The following PPP1R12B variants were observed in gnomAD, a reference collection of about 807,000 sequenced individuals.
The protein encoded by PPP1R12B is myosin phosphatase target subunit 2.
Under a neutral mutation model 126.1 loss-of-function variants are expected in PPP1R12B, and 76 were observed. The ratio of observed to expected loss-of-function variants is 0.60; its 90% CI spans 0.50 to 0.73. The LOEUF (loss-of-function observed/expected upper bound fraction) is 0.73. PPP1R12B is among the 30% of genes least tolerant of loss of function. PPP1R12B has a pLI of 0.00. For synonymous variants in PPP1R12B, 356 were observed against 434.7 expected (o/e 0.82, Z 2.25); for missense variants, 1,052 against 1,205.1 (o/e 0.87, Z 1.88).
chr1:202,565,333 G>A lies in PPP1R12B; in HGVS notation c.2757+786G>A, dbSNP rs111792787. Among the ~76,000 whole-genome samples the A allele has an allele frequency of 5.1e-3, 784 of 152,282 alleles. 7 individuals are homozygous for A. The highest frequency in any genetic ancestry group is 0.031 in the Middle Eastern group (9 of 294). On this transcript the variant is annotated intron_variant, in intron 21 of 23. Transcript: ENST00000608999. The surrounding 1 kb of genome is among the most constrained non-coding windows in gnomAD (Gnocchi z 4.3). ...AGAATGCCTGGGGACTTAGAATTTCGAAAGCTGAACTGAAGTAAAAATGAT... is the reference window on the plus strand; with the variant it reads ...AGAATGCCTGGGGACTTAGAATTTCAAAAGCTGAACTGAAGTAAAAATGAT...
rs1671737501 is a variant in PPP1R12B, at chr1:202,442,337, T to C, written c.1542-110T>C. The C allele has an allele frequency of 6.5e-6, 8 of 1,229,702 alleles. No individual in the cohort carries two copies. In the East Asian group the frequency reaches 1.9e-4, roughly 30 times the overall value. The allele number at this position is 1,229,702 out of a possible 1,614,324, so 76.2% of individuals were successfully genotyped here. On this transcript the variant is annotated intron_variant, in intron 11 of 23. Transcript: ENST00000608999. ...AACAGAATAACCTGAAGAATGTGTCTATTAGCCATGTTATAGTTTGCCTGT... is the reference window on the plus strand; with the variant it reads ...AACAGAATAACCTGAAGAATGTGTCCATTAGCCATGTTATAGTTTGCCTGT...
At chr1:202,506,046 G>A (rs1199140575) in intron 18 of PPP1R12B, among the ~76,000 whole-genome samples, 3 of 152,184 alleles carry the variant, frequency 2.0e-5, no homozygotes, top group Admixed American at 6.5e-5. Context: ...GTGTAGAAAA[G>A]CAAGCTGTCC....
At chr1:202,492,286 A>G (rs1217287385) in intron 14 of PPP1R12B, among the ~76,000 whole-genome samples, 1 of 152,216 alleles carries the variant, frequency 6.6e-6, no homozygotes, top group Non-Finnish European at 1.5e-5. Flanking sequence ...GTGCCTAAAG[A>G]CACCTAATTC....
At chr1:202,524,008 C>G (rs1018761551) in intron 18 of PPP1R12B, among the ~76,000 whole-genome samples, 1 of 152,100 alleles carries the variant, frequency 6.6e-6, no homozygotes, top group Non-Finnish European at 1.5e-5. Context: ...CTACCGTGCC[C>G]GGCCAATCTG....
At chr1:202,534,667 C>T (rs1462283648) in intron 18 of PPP1R12B, among the ~76,000 whole-genome samples, 1 of 151,300 alleles carries the variant, frequency 6.6e-6, no homozygotes, top group Non-Finnish European at 1.5e-5. Flanking sequence ...TTGTGTAAAG[C>T]CAATCCCCTA....
In PPP1R12B at chr1:202,580,615, C is replaced by CTT; in HGVS notation, c.*56_*57insTT. ...GGGACAGCATTTGCTGCCCCCACCC[C>CTT]TCTTTTCCAGTCCTTGCCTTCCAAC... On this transcript the variant is annotated 3_prime_UTR_variant, in exon 24 of 24. Transcript: ENST00000608999. 1.4e-6 allele frequency: 2 copies of CTT among 1,429,804 alleles called. No individual in the cohort carries two copies. The highest frequency in any genetic ancestry group is 2.0e-6 in the Non-Finnish European group (2 of 1,013,124). The allele number at this position is 1,429,804 out of a possible 1,614,324, so 88.6% of individuals were successfully genotyped here. A position where few individuals can be genotyped will look rare whatever the true frequency, so the allele number is the denominator to read the frequency against.
At position 202,452,213 on chromosome 1, in the gene PPP1R12B, G is replaced by T. The variant is rs540457562; in HGVS notation, c.1850+3042G>T. ...CCAAGGCAGGCAGCTGGGAGGTGGAGGTTGTAGCGAGCCGAGATCACGCCA... is the reference window on the plus strand; with the variant it reads ...CCAAGGCAGGCAGCTGGGAGGTGGATGTTGTAGCGAGCCGAGATCACGCCA... On this transcript the variant is annotated intron_variant, in intron 13 of 23. Coordinates refer to ENST00000608999, the MANE Select transcript of PPP1R12B (RefSeq NM_002481.4). Among the ~76,000 whole-genome samples, 1,311 of 152,244 alleles carry T rather than the reference G, an allele frequency of 8.6e-3. 7 individuals are homozygous for T. The highest frequency in any genetic ancestry group is 0.021 in the South Asian group (102 of 4,832).
chr1:202,405,343 T>C (rs1324289228), intron 1 of PPP1R12B, among the ~76,000 whole-genome samples: 1 of 152,208 alleles, frequency 6.6e-6, no homozygotes. Context: ...CTCTTATGAA[T>C]GAAACCTGAC....
intron 13 of PPP1R12B, among the ~76,000 whole-genome samples, chr1:202,451,214 G>A (rs938427435): frequency 7.5e-5 from 11 of 147,330 alleles, no homozygotes; most frequent in Admixed American, 2.1e-4. Flanking sequence ...GGTGTTCCTC[G>A]CAGAGGGGGA....
intron 1 of PPP1R12B, among the ~76,000 whole-genome samples, chr1:202,386,208 G>A (rs919113077): frequency 1.3e-5 from 2 of 152,066 alleles, no homozygotes; most frequent in South Asian, 2.1e-4. Flanking sequence ...GATTACAGGC[G>A]TGAGCCACCG....
In PPP1R12B at chr1:202,496,867, T is replaced by C. The variant is rs762186732; in HGVS notation, c.2490+45T>C. ...AGCATGTCTCTTGAGAGCACAGTCT[T>C]GCTCTTGTATGTAATTTTAGTAGAA... On this transcript the variant is annotated intron_variant, in intron 18 of 23. Transcript: ENST00000608999. 3.2e-6 allele frequency: 5 copies of C among 1,549,724 alleles called. No individual in the cohort carries two copies. The Admixed American group carries it at 8.9e-5, about 28-fold the overall frequency.
chr1:202,378,021 G>A (rs1661530022), intron 1 of PPP1R12B, among the ~76,000 whole-genome samples: 1 of 151,040 alleles, frequency 6.6e-6, no homozygotes, highest in South Asian at 2.1e-4. Flanking sequence ...TGTATTTTTA[G>A]TAGAGACGGG....
At position 202,589,616 on chromosome 1, in the gene PPP1R12B, G is replaced by C. The variant is rs1055945850; in HGVS notation, c.*9056G>C. Reference sequence around the variant, plus strand: ...TACAGTATCACCTAGCCGTCACGTGGTCCAGCCCTCTTGGGGGGAAAGGAG... The same window carrying C: ...TACAGTATCACCTAGCCGTCACGTGCTCCAGCCCTCTTGGGGGGAAAGGAG... On this transcript the variant is annotated 3_prime_UTR_variant, in exon 24 of 24. Coordinates refer to ENST00000608999, the MANE Select transcript of PPP1R12B (RefSeq NM_002481.4). 6.6e-6 allele frequency: 1 copy of C among 152,250 alleles called. No individual in the cohort carries two copies. The highest frequency in any genetic ancestry group is 6.5e-5 in the Admixed American group (1 of 15,278). 9.4% of individuals were successfully genotyped at this position (152,250 alleles called of 1,614,324 possible).
At chr1:202,473,116 T>C (rs1248376198) in intron 13 of PPP1R12B, among the ~76,000 whole-genome samples, 2 of 152,238 alleles carry the variant, frequency 1.3e-5, no homozygotes, top group Non-Finnish European at 2.9e-5. Flanking sequence ...AAATTCTTAA[T>C]GGAATTGTAG....
At chr1:202,411,108 C>T (rs1571885008) in intron 1 of PPP1R12B, among the ~76,000 whole-genome samples, 1 of 152,138 alleles carries the variant, frequency 6.6e-6, no homozygotes, top group South Asian at 2.1e-4. Flanking sequence ...ATCTACCATG[C>T]TTCAGTCGTG....
chr1:202,413,987 T>C (rs955171709), intron 1 of PPP1R12B, among the ~76,000 whole-genome samples: 3 of 152,150 alleles, frequency 2.0e-5, no homozygotes, highest in African/African-American at 7.2e-5. Context: ...AGTGGTGCCA[T>C]CCTGGCTCAC....
intron 1 of PPP1R12B, among the ~76,000 whole-genome samples, chr1:202,388,461 C>T (rs1663536856): frequency 6.6e-6 from 1 of 152,204 alleles, no homozygotes; most frequent in Non-Finnish European, 1.5e-5. Context: ...CCACCTTGGC[C>T]TCCCAAAGTG....
At chr1:202,352,002 A>G (rs1036783365) in intron 1 of PPP1R12B, among the ~76,000 whole-genome samples, 2 of 152,224 alleles carry the variant, frequency 1.3e-5, no homozygotes, top group African/African-American at 4.8e-5. Context: ...GACTGGGATA[A>G]GAAGTATCTC....
At chr1:202,486,746 T>C (rs1678185510) in intron 13 of PPP1R12B, among the ~76,000 whole-genome samples, 1 of 152,214 alleles carries the variant, frequency 6.6e-6, no homozygotes, top group African/African-American at 2.4e-5. Context: ...AAATCAAGGC[T>C]ACAGTCAGCT....
Sources: gnomAD v4.1 joint callset for allele counts (sites outside exome capture counted in the v4.1 genomes callset) on GRCh38, gnomAD v4.1.1 for gene constraint, Gnocchi (gnomAD v3.1) non-coding constraint, MANE v1.5 for transcripts, NCBI Gene and HGNC (gene_info 2026-07-23, HGNC 2026-07-21) for gene names.